Variants in ETV1 observed in about 807,000 individuals in gnomAD.
The protein encoded by ETV1 is ETS translocation variant 1.
A neutral mutation model predicts 62.3 loss-of-function variants in ETV1; 27 were observed. That is an observed-to-expected ratio of 0.43 (90% CI 0.32 to 0.60). The LOEUF (loss-of-function observed/expected upper bound fraction) is 0.60, where lower values mean the gene tolerates loss of function less well. Ranked by LOEUF, ETV1 falls within the 20% of genes least tolerant of loss-of-function variation. The pLI is 0.06. For synonymous variants in ETV1, 222 were observed against 199.6 expected (o/e 1.11, Z -0.94); for missense variants, 605 against 605.8 (o/e 1.00, Z 0.01).
chr7:13,968,743 T>C (rs1024231931), intron 6 of ETV1, among the ~76,000 whole-genome samples: 3 of 151,994 alleles, frequency 2.0e-5, no homozygotes, highest in Non-Finnish European at 2.9e-5. Flanking sequence ...CTTTTCCTTC[T>C]GGCACAAAAT....
intron 13 of ETV1, among the ~76,000 whole-genome samples, chr7:13,898,873 C>T (rs1208791279): frequency 6.6e-6 from 1 of 152,172 alleles, no homozygotes; most frequent in Non-Finnish European, 1.5e-5. Flanking sequence ...GTGATGCAAA[C>T]CTGTAGTTCC....
intron 6 of ETV1, among the ~76,000 whole-genome samples, chr7:13,970,976 T>G (rs997043722): frequency 6.6e-6 from 1 of 152,086 alleles, no homozygotes; most frequent in African/African-American, 2.4e-5. Flanking sequence ...TTTTATTTTA[T>G]TTATTTATTT....
intron 7 of ETV1, among the ~76,000 whole-genome samples, chr7:13,936,279 C>A (rs989863799): frequency 6.6e-6 from 1 of 152,180 alleles, no homozygotes; most frequent in Admixed American, 6.5e-5. Flanking sequence ...ATATTATATT[C>A]TTCTTTTATA....
intron 9 of ETV1, among the ~76,000 whole-genome samples, chr7:13,917,597 G>T (rs1041335095): frequency 6.6e-6 from 1 of 151,808 alleles, no homozygotes; most frequent in Non-Finnish European, 1.5e-5. Flanking sequence ...GGTTACAGGG[G>T]TGAGCCACCG....
chr7:13,970,263 AACAC>A (rs71033966), intron 6 of ETV1, among the ~76,000 whole-genome samples: 3,676 of 125,250 alleles, frequency 0.029, 69 homozygotes, highest in South Asian at 0.063. Context: ...CCCATCTCAA[AACAC>A]ACACACACAC....
chr7:13,900,945 C>CAAGGATATAAGTAAA (rs567664547), intron 12 of ETV1, 106 bp from the exon 13 acceptor site: 9,526 of 680,806 alleles, frequency 0.014, 168 homozygotes, highest in South Asian at 0.038. Flanking sequence ...ATGTCCAACT[C>CAAGGATATAAGTAAA]AAGGATATAA....
chr7:13,921,061 A>C (rs1784788745), intron 9 of ETV1, among the ~76,000 whole-genome samples: 1 of 152,212 alleles, frequency 6.6e-6, no homozygotes, highest in Non-Finnish European at 1.5e-5. Context: ...TAAGATGTTA[A>C]CATTTTCTGA....
rs1189207514 is a variant in ETV1, at chr7:13,988,477, A to C, written c.46-304T>G. 7 of 618,780 alleles carry C rather than the reference A, an allele frequency of 1.1e-5. No individual in the cohort carries two copies. In the South Asian group the frequency reaches 1.4e-4, roughly 12 times the overall value. The allele number at this position is 618,780 out of a possible 1,614,324, so 38.3% of individuals were successfully genotyped here. A position where few individuals can be genotyped will look rare whatever the true frequency, so the allele number is the denominator to read the frequency against. ...AAACAACCTGAAGCATTTACACTTA[A>C]AGTTGTTTTTAGGCTGGTTCAATGC... On this transcript the variant is annotated intron_variant, in intron 3 of 13. Transcript: ENST00000430479.
At chr7:13,957,888 C>T (rs1179113986) in intron 6 of ETV1, among the ~76,000 whole-genome samples, 1 of 152,192 alleles carries the variant, frequency 6.6e-6, no homozygotes, top group Non-Finnish European at 1.5e-5. Context: ...TGGATACCAC[C>T]TGCAAAACAA....
At chr7:13,973,420 T>C (rs1484346087) in intron 6 of ETV1, among the ~76,000 whole-genome samples, 1 of 152,314 alleles carries the variant, frequency 6.6e-6, no homozygotes, top group Non-Finnish European at 1.5e-5. Context: ...GAATCAAACA[T>C]CTGCTTAAAG....
At position 13,935,968 on chromosome 7, in the gene ETV1, A is replaced by G. The variant is rs75788544; in HGVS notation, c.366-72T>C. 3.3e-3 allele frequency: 4,008 copies of G among 1,197,510 alleles called. 48 individuals are homozygous for G. In the East Asian group the frequency reaches 0.034, roughly 10 times the overall value. 74.2% of individuals were successfully genotyped at this position (1,197,510 alleles called of 1,614,324 possible). A position where few individuals can be genotyped will look rare whatever the true frequency, so the allele number is the denominator to read the frequency against. On this transcript the variant is annotated intron_variant, in intron 7 of 13. Transcript: ENST00000430479. ...ATTTTTTAAAAAAGTTTCTAATCCA[A>G]AGGAAGAAAAGATATTTTAGACTTA... is the stretch of plus-strand genomic sequence containing the variant.
intron 6 of ETV1, among the ~76,000 whole-genome samples, chr7:13,950,421 C>T (rs907314148): frequency 3.3e-5 from 5 of 152,102 alleles, no homozygotes; most frequent in African/African-American, 1.2e-4. Flanking sequence ...TAACTTCACA[C>T]TCTCTTGCAG....
chr7:13,911,398 A>G, intron 9 of ETV1, 91 bp from the exon 10 acceptor site: 1 of 821,046 alleles, frequency 1.2e-6, no homozygotes, highest in Non-Finnish European at 2.1e-6. Flanking sequence ...AAGATACAGA[A>G]ACGGACACAG....
chr7:13,979,193 T>TTCAAA (rs1781742791), intron 5 of ETV1, among the ~76,000 whole-genome samples: 1 of 152,082 alleles, frequency 6.6e-6, no homozygotes, highest in Non-Finnish European at 1.5e-5. Flanking sequence ...AGTTTACTAG[T>TTCAAA]GAAAATACAG....
intron 7 of ETV1, among the ~76,000 whole-genome samples, chr7:13,937,483 C>T (rs1378918509): frequency 6.6e-6 from 1 of 152,124 alleles, no homozygotes; most frequent in Non-Finnish European, 1.5e-5. Flanking sequence ...CTTTTCATCC[C>T]CCAAAAGAAA....
intron 7 of ETV1, among the ~76,000 whole-genome samples, chr7:13,936,578 G>C (rs1056871712): frequency 7.2e-5 from 11 of 152,160 alleles, no homozygotes; most frequent in African/African-American, 1.4e-4. Flanking sequence ...CACAGTTACA[G>C]AAGAATAAAA....
In ETV1 at chr7:13,893,316, A is replaced by C. The variant is rs1279215878; in HGVS notation, c.*2550T>G. 8.6e-6 allele frequency: 2 copies of C among 231,742 alleles called. No homozygotes were observed. Among genetic ancestry groups the C allele is most frequent in the South Asian group, 1.8e-4 (1 of 5,526 alleles). The allele number at this position is 231,742 out of a possible 1,614,324, so 14.4% of individuals were successfully genotyped here. On this transcript the variant is annotated 3_prime_UTR_variant, in exon 14 of 14. Coordinates refer to ENST00000430479, the MANE Select transcript of ETV1 (RefSeq NM_004956.5). Reference sequence around the variant, plus strand: ...TTTATTAATCTACCTGAAAACAAAAACATAAAAACTCAACCAAAAAGTGGA... The same window carrying C: ...TTTATTAATCTACCTGAAAACAAAACCATAAAAACTCAACCAAAAAGTGGA...
rs143620330 is a variant in ETV1 at position 13,905,842 on chromosome 7, A to C, written c.1110+588T>G. ...GAACAAGTGTCACGGACAAAGGAAAATGTTTCTACCAGGCCTGTGTCTTGT... is the reference window on the plus strand; with the variant it reads ...GAACAAGTGTCACGGACAAAGGAAACTGTTTCTACCAGGCCTGTGTCTTGT... On this transcript the variant is annotated intron_variant, in intron 12 of 13. Transcript: ENST00000430479. Among the ~76,000 whole-genome samples, 308 of 152,202 alleles carry C rather than the reference A, an allele frequency of 2.0e-3. 2 individuals are homozygous for C. Among genetic ancestry groups the C allele is most frequent in the African/African-American group, 6.5e-3 (271 of 41,524 alleles).
At chr7:13,961,532 G>A (rs1339404971) in intron 6 of ETV1, among the ~76,000 whole-genome samples, 10 of 152,028 alleles carry the variant, frequency 6.6e-5, no homozygotes, top group Admixed American at 6.6e-5. Flanking sequence ...CAGGCTGAGC[G>A]AACACTATAA....
Sources: gnomAD v4.1 joint callset for allele counts (sites outside exome capture counted in the v4.1 genomes callset) on GRCh38, gnomAD v4.1.1 for gene constraint, MANE v1.5 for transcripts, NCBI Gene and HGNC (gene_info 2026-07-23, HGNC 2026-07-21) for gene names.